Variants in CFAP61 observed in about 807,000 individuals in gnomAD.
CFAP61 encodes cilia- and flagella-associated protein 61.
Under a neutral mutation model 135.6 loss-of-function variants are expected in CFAP61, and 107 were observed. The ratio of observed to expected loss-of-function variants is 0.79; its 90% CI spans 0.67 to 0.93. The LOEUF (loss-of-function observed/expected upper bound fraction) is 0.93. Ranked by LOEUF, CFAP61 falls within the 40% of genes least tolerant of loss-of-function variation. The pLI is 0.00. For missense variants in CFAP61, 1,507 were observed against 1,556.2 expected (o/e 0.97, Z 0.53); for synonymous variants, 575 against 578.5 (o/e 0.99, Z 0.09).
At chr20:20,180,859 C>T (rs2055014095) in intron 13 of CFAP61, among the ~76,000 whole-genome samples, 1 of 152,124 alleles carries the variant, frequency 6.6e-6, no homozygotes, top group Non-Finnish European at 1.5e-5. Flanking sequence ...TTTGCAGGAA[C>T]ATGGATGGAG....
At chr20:20,284,559 A>G (rs2054444249) in intron 22 of CFAP61, among the ~76,000 whole-genome samples, 1 of 152,202 alleles carries the variant, frequency 6.6e-6, no homozygotes, top group African/African-American at 2.4e-5. Context: ...TGTTGGGATT[A>G]CAGGCATGAG....
At position 20,277,228 on chromosome 20, in the gene CFAP61, C is replaced by T. The variant is rs1381365100; in HGVS notation, c.2566C>T (p.Leu856Phe). 2.5e-6 allele frequency: 4 copies of T among 1,613,708 alleles called. No homozygotes were observed. In the Admixed American group the frequency reaches 6.7e-5, roughly 27 times the overall value. Residue 856 changes from leucine to phenylalanine, a missense_variant, in exon 22 of 27, where the codon CTT becomes TTT. Coordinates refer to ENST00000245957, the MANE Select transcript of CFAP61 (RefSeq NM_015585.4). ...CACCACCGTGGAGACGCTCTTAAAC[C>T]TTGGCGTGAGCGGCAGCCGCATCCA... Reference protein sequence around the residue: ...TYTTVETLLNLGVSGSRIHLV... With the variant: ...TYTTVETLLNFGVSGSRIHLV...
intron 25 of CFAP61, among the ~76,000 whole-genome samples, chr20:20,341,248 G>A (rs555957277): frequency 1.3e-5 from 2 of 152,074 alleles, no homozygotes; most frequent in Non-Finnish European, 1.5e-5. Flanking sequence ...GTTAAATAAA[G>A]GATAATCTTA....
chr20:20,336,813 A>G (rs1389776168), intron 25 of CFAP61, among the ~76,000 whole-genome samples: 2 of 151,946 alleles, frequency 1.3e-5, no homozygotes, highest in Non-Finnish European at 2.9e-5. Flanking sequence ...TGTGGAACAC[A>G]CTCCAGCCCC....
At chr20:20,161,106 G>GC (rs1185072415) in intron 10 of CFAP61, among the ~76,000 whole-genome samples, 1 of 152,192 alleles carries the variant, frequency 6.6e-6, no homozygotes, top group East Asian at 1.9e-4. Context: ...TGTTTCTGGG[G>GC]CAACCCACAC....
intron 13 of CFAP61, among the ~76,000 whole-genome samples, chr20:20,178,007 C>G (rs1342369744): frequency 6.6e-6 from 1 of 152,166 alleles, no homozygotes; most frequent in Non-Finnish European, 1.5e-5. Flanking sequence ...AGTTTGGTTA[C>G]TTTAAATTTC....
intron 9 of CFAP61, among the ~76,000 whole-genome samples, chr20:20,157,652 C>T (rs1331315902): frequency 6.6e-6 from 1 of 152,066 alleles, no homozygotes; most frequent in Non-Finnish European, 1.5e-5. Flanking sequence ...AGAATTCAAA[C>T]CAATATAACC....
chr20:20,078,659 C>G (rs550728401), intron 6 of CFAP61, among the ~76,000 whole-genome samples: 1 of 151,696 alleles, frequency 6.6e-6, no homozygotes, highest in East Asian at 1.9e-4. Flanking sequence ...AAGCACAGGA[C>G]CAGGGCAGAA....
chr20:20,290,021 C>G (rs1355332895), intron 23 of CFAP61, among the ~76,000 whole-genome samples: 1 of 152,144 alleles, frequency 6.6e-6, no homozygotes, highest in Non-Finnish European at 1.5e-5. Context: ...GGTTAAAGGG[C>G]GGGGAGCTCC....
In CFAP61 at chr20:20,052,666, G is replaced by A. The variant is rs529488737; in HGVS notation, c.-37+75G>A. On this transcript the variant is annotated intron_variant, in intron 1 of 26. Coordinates refer to ENST00000245957, the MANE Select transcript of CFAP61 (RefSeq NM_015585.4). Reference sequence around the variant, plus strand: ...GCGTCCAGGGCGCATCCCCAGGTCAGCCTCCGGAACTGGGATGACCAGGCG... The same window carrying A: ...GCGTCCAGGGCGCATCCCCAGGTCAACCTCCGGAACTGGGATGACCAGGCG... 11 of 1,613,250 alleles carry A rather than the reference G, an allele frequency of 6.8e-6. No individual in the cohort carries two copies. In the African/African-American group the frequency reaches 8.0e-5, roughly 12 times the overall value.
intron 8 of CFAP61, among the ~76,000 whole-genome samples, chr20:20,136,196 A>G (rs1340292256): frequency 1.3e-5 from 2 of 151,830 alleles, no homozygotes; most frequent in African/African-American, 4.8e-5. Flanking sequence ...GAGTTTGATT[A>G]TTAAATGCCT....
chr20:20,099,582 G>A (rs1001700386), intron 8 of CFAP61, among the ~76,000 whole-genome samples: 2 of 152,092 alleles, frequency 1.3e-5, no homozygotes, highest in African/African-American at 2.4e-5. Flanking sequence ...CCCACACGGG[G>A]GGGGGGTTGT....
chr20:20,202,984 G>T (rs375324220), intron 17 of CFAP61, among the ~76,000 whole-genome samples: 1 of 152,016 alleles, frequency 6.6e-6, no homozygotes, highest in East Asian at 1.9e-4. Context: ...ATTTCATCTC[G>T]GTAGGTTGCC....
chr20:20,069,529 T>G (rs2045557981), intron 2 of CFAP61, among the ~76,000 whole-genome samples: 1 of 152,202 alleles, frequency 6.6e-6, no homozygotes. Flanking sequence ...TCTGTCCACC[T>G]TGGCCTCCCA....
Position 20,228,236 on chromosome 20 carries a change from AT to A in CFAP61, c.1933-5del, listed in dbSNP as rs765386945. ...TCTTTGACTCCTTCTTTGTCTTCGT[AT>A]TTTTTTTCCAGATGAGTTATGCTTT... On this transcript the variant is annotated splice_polypyrimidine_tract_variant and intron_variant, in intron 17 of 26. Transcript: ENST00000245957. 3.2e-5 allele frequency: 50 copies of A among 1,585,226 alleles called. No homozygotes were observed. The highest frequency in any genetic ancestry group is 1.7e-4 in the Middle Eastern group (1 of 5,954).
intron 25 of CFAP61, among the ~76,000 whole-genome samples, chr20:20,304,018 C>T (rs1489168034): frequency 6.6e-6 from 1 of 152,104 alleles, no homozygotes; most frequent in African/African-American, 2.4e-5. Context: ...CTGTGGTAGC[C>T]GAGGCCTCCC....
At chr20:20,083,258 G>A (rs759644747) in intron 6 of CFAP61, among the ~76,000 whole-genome samples, 2 of 151,720 alleles carry the variant, frequency 1.3e-5, no homozygotes, top group East Asian at 1.9e-4. Context: ...ACCAAATACC[G>A]TATGTTCTCA....
intron 25 of CFAP61, among the ~76,000 whole-genome samples, chr20:20,314,534 A>ATTTT (rs11478344): frequency 6.7e-6 from 1 of 149,110 alleles, no homozygotes. Context: ...ATTATTATTT[A>ATTTT]TTTTTTTTAT....
At position 20,166,290 on chromosome 20, in the gene CFAP61, GT is replaced by G. The variant is rs1455652615; in HGVS notation, c.1206-105del. 3 of 827,486 alleles carry G rather than the reference GT, an allele frequency of 3.6e-6. No individual in the cohort carries two copies. The African/African-American group carries it at 5.0e-5, about 14-fold the overall frequency. 51.3% of individuals were successfully genotyped at this position (827,486 alleles called of 1,614,324 possible). A position where few individuals can be genotyped will look rare whatever the true frequency, so the allele number is the denominator to read the frequency against. On this transcript the variant is annotated intron_variant, in intron 11 of 26. Coordinates refer to ENST00000245957, the MANE Select transcript of CFAP61 (RefSeq NM_015585.4). ...ACCTAGACACACATTCTGACTAGTG[GT>G]TGGCTAATCGCTGCCCGAGGGGAGG...
Sources: allele counts gnomAD v4.1 joint callset (sites outside exome capture counted in the v4.1 genomes callset), GRCh38; gene constraint gnomAD v4.1.1; transcripts MANE v1.5; gene names NCBI Gene and HGNC (gene_info 2026-07-23, HGNC 2026-07-21).